CCDC3: variants seen among roughly 807,000 people sequenced by gnomAD.
The protein encoded by CCDC3 is coiled-coil domain containing 3, also known as coiled-coil domain-containing protein 3.
A neutral mutation model predicts 21.4 loss-of-function variants in CCDC3; 24 were observed. The observed-to-expected ratio is 1.12, with a 90% CI of 0.81 to 1.58. The LOEUF is 1.58. Among genes scored for constraint, CCDC3 ranks in the 40% most tolerant of loss-of-function variants. The probability of loss-of-function intolerance (pLI) is 0.00; values close to 1 mark genes in which losing one functional copy is unlikely to be tolerated. For synonymous variants in CCDC3, 186 were observed against 166.0 expected, an observed-to-expected ratio of 1.12 and a Z score of -0.93; for missense variants, 425 against 360.9, an observed-to-expected ratio of 1.18 and a Z score of -1.44.
chr10:12,990,125 T>C (rs1835659327), intron 2 of CCDC3, among the ~76,000 whole-genome samples: 1 of 151,806 alleles, frequency 6.6e-6, no homozygotes, highest in African/African-American at 2.4e-5. Context: ...GGTGGCAGGA[T>C]CCTGTAGTCC....
chr10:12,968,505 A>C (rs1013679630), intron 2 of CCDC3, among the ~76,000 whole-genome samples: 2 of 152,262 alleles, frequency 1.3e-5, no homozygotes, highest in Non-Finnish European at 2.9e-5. Flanking sequence ...CTTCAAGCTG[A>C]AAGAAGATGC....
At chr10:12,932,744 C>G (rs987755956) in intron 2 of CCDC3, among the ~76,000 whole-genome samples, 1 of 152,144 alleles carries the variant, frequency 6.6e-6, no homozygotes, top group African/African-American at 2.4e-5. Context: ...TGTTCCTGAT[C>G]TTAGCGGGAA....
chr10:13,079,752 G>A (rs191600561), intron 3 of CCDC3, among the ~76,000 whole-genome samples: 112 of 152,334 alleles, frequency 7.4e-4, no homozygotes, highest in Middle Eastern at 3.4e-3. Context: ...GGAAGAAAGA[G>A]GCTAAGCTCC....
intron 2 of CCDC3, among the ~76,000 whole-genome samples, chr10:12,909,950 T>C (rs915075316): frequency 3.9e-5 from 6 of 152,168 alleles, no homozygotes; most frequent in Admixed American, 2.6e-4. Context: ...TGTGCCTGTA[T>C]CCTCAGTACT....
At chr10:12,940,081 GT>G (rs913376715) in intron 2 of CCDC3, among the ~76,000 whole-genome samples, 2 of 151,634 alleles carry the variant, frequency 1.3e-5, no homozygotes, top group East Asian at 1.9e-4. Context: ...AAAACATACT[GT>G]TTTTTTTCTG....
At chr10:13,035,314 G>A (rs1030592345) in intron 5 of CCDC3, among the ~76,000 whole-genome samples, 5 of 152,056 alleles carry the variant, frequency 3.3e-5, no homozygotes, top group African/African-American at 1.2e-4. Context: ...TTTTGGGCTC[G>A]ACTGCAGTGA....
intron 2 of CCDC3, among the ~76,000 whole-genome samples, chr10:12,990,592 G>A (rs1386107387): frequency 6.6e-6 from 1 of 152,220 alleles, no homozygotes. Flanking sequence ...GCCAGTGACT[G>A]GGTGTGAGCT....
At chr10:13,035,592 A>C (rs1836367856) in intron 5 of CCDC3, among the ~76,000 whole-genome samples, 1 of 152,170 alleles carries the variant, frequency 6.6e-6, no homozygotes, top group Non-Finnish European at 1.5e-5. Flanking sequence ...GTTCCATTGA[A>C]CCAACCATGT....
At chr10:13,005,522 T>C (rs771123392), upstream of CCDC3, among the ~76,000 whole-genome samples, 4 of 152,194 alleles carry the variant, frequency 2.6e-5, no homozygotes, top group Non-Finnish European at 5.9e-5. Flanking sequence ...CAGCATACCA[T>C]GGTTAGGCAT....
At chr10:13,035,000 T>C (rs1345562855) in intron 5 of CCDC3, among the ~76,000 whole-genome samples, 3 of 148,812 alleles carry the variant, frequency 2.0e-5, no homozygotes, top group Non-Finnish European at 3.0e-5. Context: ...CACTCCAGTC[T>C]GGGCGACAAA....
chr10:12,933,964 C>A (rs949142282), intron 2 of CCDC3, among the ~76,000 whole-genome samples: 1 of 151,724 alleles, frequency 6.6e-6, no homozygotes, highest in Admixed American at 6.6e-5. Flanking sequence ...TTTATTATTA[C>A]TTTTCTTTTG....
At chr10:12,924,005 T>C (rs1250637133) in intron 2 of CCDC3, among the ~76,000 whole-genome samples, 1 of 152,194 alleles carries the variant, frequency 6.6e-6, no homozygotes, top group Admixed American at 6.5e-5. Flanking sequence ...ACACTAGGTT[T>C]GGTGTGAATT....
intron 2 of CCDC3, among the ~76,000 whole-genome samples, chr10:12,934,008 A>G (rs80050359): frequency 1.2e-3 from 180 of 152,040 alleles, no homozygotes; most frequent in African/African-American, 4.0e-3. Context: ...TTTTTGTTGT[A>G]GTTTCCAAAA....
intron 4 of CCDC3, among the ~76,000 whole-genome samples, chr10:13,060,700 C>G (rs1836746657): frequency 6.6e-6 from 1 of 152,094 alleles, no homozygotes; most frequent in Non-Finnish European, 1.5e-5. Flanking sequence ...AGACAGGGGT[C>G]TTGCTATGTT....
intron 2 of CCDC3, among the ~76,000 whole-genome samples, chr10:12,981,917 A>T (rs1471139199): frequency 1.3e-5 from 2 of 151,740 alleles, no homozygotes; most frequent in African/African-American, 2.4e-5. Context: ...AAGGTCGAGA[A>T]ATCAAGACCA....
At chr10:12,994,819 G>T (rs2151990) in intron 2 of CCDC3, among the ~76,000 whole-genome samples, 2,521 of 152,088 alleles carry the variant, frequency 0.017, 89 homozygotes, top group African/African-American at 0.057. Context: ...GGTGGCTCAC[G>T]CCTGTAATCC....
chr10:13,085,149 C>T (rs1837087468), intron 3 of CCDC3, among the ~76,000 whole-genome samples: 1 of 152,140 alleles, frequency 6.6e-6, no homozygotes, highest in African/African-American at 2.4e-5. Context: ...GCCACCACCA[C>T]CCCAGCAACC....
chr10:13,049,819 GTTC>G (rs1422928550), exon 5 of CCDC3: 2 of 152,154 alleles, frequency 1.3e-5, no homozygotes, highest in Admixed American at 6.5e-5. Context: ...GGTGTGTTAA[GTTC>G]TTATTAAAAA....
intron 2 of CCDC3, among the ~76,000 whole-genome samples, chr10:12,945,402 G>A (rs1023504924): frequency 6.6e-6 from 1 of 150,474 alleles, no homozygotes; most frequent in African/African-American, 2.4e-5. Context: ...TCCACAGTGA[G>A]AAAAAAAGTA....
Sources: allele counts gnomAD v4.1 joint callset (sites outside exome capture counted in the v4.1 genomes callset), GRCh38; gene constraint gnomAD v4.1.1; transcripts MANE v1.5; gene names NCBI Gene and HGNC (gene_info 2026-07-23, HGNC 2026-07-21).